ADAMTSL1: variants seen among roughly 807,000 people sequenced by gnomAD.
The protein encoded by ADAMTSL1 is ADAMTS like 1, also known as ADAMTS-like protein 1.
Under a neutral mutation model 201.8 loss-of-function variants are expected in ADAMTSL1, and 126 were observed. The observed-to-expected ratio is 0.62, with a 90% CI of 0.54 to 0.72. The LOEUF (loss-of-function observed/expected upper bound fraction) is 0.72, where lower values mean the gene tolerates loss of function less well. Among genes scored for constraint, ADAMTSL1 ranks in the 30% least tolerant of loss-of-function variants. The pLI is 0.00. For synonymous variants in ADAMTSL1, 1,121 were observed against 903.4 expected, an observed-to-expected ratio of 1.24 and a Z score of -4.32; for missense variants, 2,679 against 2,277.8, an observed-to-expected ratio of 1.18 and a Z score of -3.59.
At chr9:18,380,659 A>C (rs889653026) in intron 2 of ADAMTSL1, among the ~76,000 whole-genome samples, 1 of 152,234 alleles carries the variant, frequency 6.6e-6, no homozygotes, top group Non-Finnish European at 1.5e-5. Context: ...AAGAAAGTGC[A>C]CATTTTCATG....
intron 2 of ADAMTSL1, among the ~76,000 whole-genome samples, chr9:18,401,890 A>G (rs1211415829): frequency 6.6e-6 from 1 of 152,220 alleles, no homozygotes; most frequent in Non-Finnish European, 1.5e-5. Context: ...TATGGGGGCA[A>G]GCAGGCTTCA....
intron 1 of ADAMTSL1, among the ~76,000 whole-genome samples, chr9:18,015,915 C>G (rs1006421580): frequency 6.6e-6 from 1 of 152,030 alleles, no homozygotes; most frequent in Non-Finnish European, 1.5e-5. Context: ...TTGCCATACC[C>G]TTTCTCCAGC....
At chr9:18,563,998 G>C (rs140498265) in intron 3 of ADAMTSL1, among the ~76,000 whole-genome samples, 1 of 152,270 alleles carries the variant, frequency 6.6e-6, no homozygotes, top group East Asian at 1.9e-4. Flanking sequence ...CCTGGCTTCG[G>C]TGCCCCTTTT....
At chr9:18,337,307 TG>T (rs1194345105) in intron 2 of ADAMTSL1, among the ~76,000 whole-genome samples, 1 of 152,158 alleles carries the variant, frequency 6.6e-6, no homozygotes, top group Non-Finnish European at 1.5e-5. Flanking sequence ...AGACTGAGGC[TG>T]TACTTTCAGC....
chr9:18,512,335 A>G (rs1818086081), intron 2 of ADAMTSL1, among the ~76,000 whole-genome samples: 1 of 152,142 alleles, frequency 6.6e-6, no homozygotes, highest in African/African-American at 2.4e-5. Flanking sequence ...TTATCCCATA[A>G]GCCAATTTGT....
chr9:18,368,128 G>T lies in ADAMTSL1; in HGVS notation c.208-136701G>T, dbSNP rs1383576182. Among the ~76,000 whole-genome samples the T allele has an allele frequency of 2.0e-5, 3 of 151,920 alleles. No individual in the cohort carries two copies. In the East Asian group the frequency reaches 5.8e-4, roughly 29 times the overall value. ...GATGGGGTTTCGCCGTTTTCGCCAGGATGGTCTCCATCTCCTGACCTCGTG... is the reference window on the plus strand; with the variant it reads ...GATGGGGTTTCGCCGTTTTCGCCAGTATGGTCTCCATCTCCTGACCTCGTG... On this transcript the variant is annotated intron_variant, in intron 2 of 29. Transcript: ENST00000680146.
chr9:18,610,432 T>C (rs1825297729), intron 4 of ADAMTSL1, among the ~76,000 whole-genome samples: 1 of 152,156 alleles, frequency 6.6e-6, no homozygotes, highest in Admixed American at 6.5e-5. Context: ...CAGATGATGC[T>C]TTTGCTTAAA....
chr9:18,556,108 C>A (rs1248623397), intron 3 of ADAMTSL1, among the ~76,000 whole-genome samples: 2 of 151,904 alleles, frequency 1.3e-5, no homozygotes, highest in South Asian at 2.1e-4. Context: ...CATTCTTTTT[C>A]CTTTACCGCC....
chr9:18,417,729 G>A lies in ADAMTSL1; in HGVS notation c.208-87100G>A, dbSNP rs573649645. Reference sequence around the variant, plus strand: ...AACTATTTTAAAAGTTGAATTTGTAGTTAAAGTTTTGTCAAAAAAGGAACC... The same window carrying A: ...AACTATTTTAAAAGTTGAATTTGTAATTAAAGTTTTGTCAAAAAAGGAACC... On this transcript the variant is annotated intron_variant, in intron 2 of 29. Transcript: ENST00000680146. Among the ~76,000 whole-genome samples the A allele has an allele frequency of 1.8e-4, 27 of 152,226 alleles. No homozygotes were observed. In the East Asian group the frequency reaches 5.2e-3, roughly 29 times the overall value.
At chr9:17,948,776 A>T (rs1827613941) in intron 1 of ADAMTSL1, among the ~76,000 whole-genome samples, 1 of 152,226 alleles carries the variant, frequency 6.6e-6, no homozygotes, top group Admixed American at 6.6e-5. Flanking sequence ...TAATAAAAAG[A>T]CTTTAAAAAT....
intron 13 of ADAMTSL1, among the ~76,000 whole-genome samples, chr9:18,705,771 A>C (rs756655486): frequency 1.9e-4 from 29 of 152,272 alleles, no homozygotes; most frequent in Non-Finnish European, 4.0e-4. Context: ...TTGAACAAAG[A>C]AAGTTACAGA....
At chr9:18,246,576 A>T (rs529815060) in intron 2 of ADAMTSL1, among the ~76,000 whole-genome samples, 1 of 152,308 alleles carries the variant, frequency 6.6e-6, no homozygotes, top group East Asian at 1.9e-4. Context: ...ATATTTTCTT[A>T]TTTAATTTTT....
intron 1 of ADAMTSL1, among the ~76,000 whole-genome samples, chr9:17,952,954 CCTT>C (rs1212135783): frequency 2.0e-5 from 3 of 150,190 alleles, no homozygotes; most frequent in Non-Finnish European, 3.0e-5. Flanking sequence ...TCCTCCTCCT[CCTT>C]CTTCAGAATG....
chr9:17,985,504 A>G (rs1818888892), intron 1 of ADAMTSL1, among the ~76,000 whole-genome samples: 1 of 152,150 alleles, frequency 6.6e-6, no homozygotes, highest in Non-Finnish European at 1.5e-5. Flanking sequence ...TACAAAAAAG[A>G]TACTTGAGCT....
intron 1 of ADAMTSL1, among the ~76,000 whole-genome samples, chr9:18,135,619 C>A (rs1382197518): frequency 6.6e-6 from 1 of 151,884 alleles, no homozygotes; most frequent in African/African-American, 2.4e-5. Flanking sequence ...ATGTAGCAAA[C>A]CCTGCTTTAA....
At chr9:18,087,453 T>G (rs1407483351) in intron 1 of ADAMTSL1, among the ~76,000 whole-genome samples, 3 of 152,134 alleles carry the variant, frequency 2.0e-5, no homozygotes, top group Admixed American at 6.6e-5. Context: ...AATATGAAAG[T>G]GGTAAGTTCT....
At chr9:18,266,522 G>C (rs547597489) in intron 2 of ADAMTSL1, among the ~76,000 whole-genome samples, 1 of 152,294 alleles carries the variant, frequency 6.6e-6, no homozygotes, top group East Asian at 1.9e-4. Context: ...TATTGAGTGA[G>C]GGTCAGGCTC....
intron 1 of ADAMTSL1, among the ~76,000 whole-genome samples, chr9:17,978,150 A>C (rs1351017436): frequency 6.6e-6 from 1 of 152,020 alleles, no homozygotes; most frequent in African/African-American, 2.4e-5. Flanking sequence ...TTTGTATGGA[A>C]TATCTTTTTC....
intron 1 of ADAMTSL1, among the ~76,000 whole-genome samples, chr9:18,044,672 T>G (rs1821583206): frequency 2.0e-5 from 3 of 152,184 alleles, no homozygotes; most frequent in Admixed American, 2.0e-4. Context: ...GAAGCCAGAA[T>G]ATTCAGTGAT....
Sources: gnomAD v4.1 joint callset for allele counts (sites outside exome capture counted in the v4.1 genomes callset) on GRCh38, gnomAD v4.1.1 for gene constraint, MANE v1.5 for transcripts, NCBI Gene and HGNC (gene_info 2026-07-23, HGNC 2026-07-21) for gene names.